Variants in SNTG1 observed in about 807,000 individuals in gnomAD.
SNTG1 encodes gamma-1-syntrophin.
SNTG1 carries 39 observed loss-of-function variants against 74.7 expected under a neutral mutation model. The observed-to-expected ratio is 0.52, with a 90% CI of 0.40 to 0.68. SNTG1 has a LOEUF of 0.68. SNTG1 is among the 30% of genes least tolerant of loss of function. The pLI, the probability that SNTG1 is intolerant of heterozygous loss-of-function variation, is 0.00. For synonymous variants in SNTG1, 254 were observed against 217.1 expected (o/e 1.17, Z -1.49); for missense variants, 685 against 609.5 (o/e 1.12, Z -1.30).
At chr8:50,462,941 C>T (rs552741972) in intron 8 of SNTG1, among the ~76,000 whole-genome samples, 39 of 150,578 alleles carry the variant, frequency 2.6e-4, no homozygotes, top group African/African-American at 9.3e-4. Flanking sequence ...CTCAGCCTCC[C>T]AAGTAGCTCG....
At chr8:50,451,510 CAG>C (rs925161138) in intron 8 of SNTG1, among the ~76,000 whole-genome samples, 26 of 151,868 alleles carry the variant, frequency 1.7e-4, no homozygotes, top group Admixed American at 3.3e-4. Context: ...AAGAGAGAGA[CAG>C]AGAGAGAGAA....
intron 2 of SNTG1, among the ~76,000 whole-genome samples, chr8:50,247,333 T>C (rs780945899): frequency 7.2e-5 from 11 of 152,174 alleles, no homozygotes; most frequent in Non-Finnish European, 1.6e-4. Context: ...AGTTTCACCA[T>C]AAATTTGGTG....
intron 2 of SNTG1, among the ~76,000 whole-genome samples, chr8:50,176,598 G>T (rs932341983): frequency 3.9e-5 from 6 of 152,242 alleles, no homozygotes; most frequent in African/African-American, 1.4e-4. Context: ...AAAAAAGAGT[G>T]ACTTGCATTT....
At position 50,289,817 on chromosome 8, in the gene SNTG1, C is replaced by G. The variant is rs547117389; in HGVS notation, c.-27-104395C>G. 2.6e-5 allele frequency among the ~76,000 whole-genome samples: 4 copies of G among 152,178 alleles called. No individual in the cohort carries two copies. In the South Asian group the frequency reaches 8.3e-4, roughly 32 times the overall value. The stretch of plus-strand genomic sequence containing the variant: ...CTGGTGGTTACAGTCAGGATTGGTA[C>G]CAGGAAAAACTGCAGAGTTGCTTAA... On this transcript the variant is annotated intron_variant, in intron 2 of 18. Coordinates refer to ENST00000642720, the MANE Select transcript of SNTG1 (RefSeq NM_018967.5).
At chr8:50,187,584 G>A (rs2083430285) in intron 2 of SNTG1, among the ~76,000 whole-genome samples, 1 of 152,048 alleles carries the variant, frequency 6.6e-6, no homozygotes, top group South Asian at 2.1e-4. Flanking sequence ...AAAAAAATAA[G>A]CAATATCAAA....
intron 1 of SNTG1, among the ~76,000 whole-genome samples, chr8:50,093,280 A>G (rs1219493295): frequency 6.6e-6 from 1 of 152,174 alleles, no homozygotes; most frequent in Admixed American, 6.6e-5. Context: ...TCTTTCAATT[A>G]CAATCTTACT....
intron 8 of SNTG1, among the ~76,000 whole-genome samples, chr8:50,455,304 C>T (rs113352295): frequency 1.5e-3 from 233 of 152,260 alleles, no homozygotes; most frequent in Non-Finnish European, 2.8e-3. Flanking sequence ...AGTAGCATTT[C>T]TGCTTTCAGA....
chr8:50,411,171 G>T (rs1004744002), intron 4 of SNTG1, among the ~76,000 whole-genome samples: 2 of 151,996 alleles, frequency 1.3e-5, no homozygotes, highest in African/African-American at 4.8e-5. Flanking sequence ...AAGGAAGGCC[G>T]GGTGCGGTGG....
Position 50,418,429 on chromosome 8 carries a change from C to A in SNTG1, c.162+16085C>A, listed in dbSNP as rs143980850. ...CTCAGTCTTCACTGCTGAGTCTTTT[C>A]TTCATTTCCATCTATAGGCACTTTA... On this transcript the variant is annotated intron_variant, in intron 4 of 18. Coordinates refer to ENST00000642720, the MANE Select transcript of SNTG1 (RefSeq NM_018967.5). Among the ~76,000 whole-genome samples the A allele has an allele frequency of 3.8e-4, 58 of 152,124 alleles. 1 individual carries two copies. The East Asian group carries it at 0.011, about 28-fold the overall frequency.
In SNTG1 at chr8:49,938,652, C is replaced by G. The variant is rs1164555281; in HGVS notation, c.-103+26421C>G. ...CTTTCTTTCTTTCTTTCCTTCCTCT[C>G]TCTCTCTCTTCCTTCCTTCCTTCCT... On this transcript the variant is annotated intron_variant, in intron 1 of 18. Transcript: ENST00000642720. 9.4e-5 allele frequency among the ~76,000 whole-genome samples: 3 copies of G among 32,038 alleles called. No individual in the cohort carries two copies. The Admixed American group carries it at 1.1e-3, about 12-fold the overall frequency. 21.0% of individuals were successfully genotyped at this position (32,038 alleles called of 152,430 possible).
chr8:50,777,347 A>G (rs1338749022), intron 18 of SNTG1, among the ~76,000 whole-genome samples: 1 of 149,754 alleles, frequency 6.7e-6, no homozygotes, highest in Non-Finnish European at 1.5e-5. Flanking sequence ...TAATTCTCAC[A>G]ATTCTTTTAT....
Position 50,678,051 on chromosome 8 carries a change from C to T in SNTG1, c.1038+19388C>T, listed in dbSNP as rs557153162. ...AGCAAACCACCATGTCACATGTATA[C>T]CTATGTAACAAACCTGCACTTTCTG... On this transcript the variant is annotated intron_variant, in intron 15 of 18. Transcript: ENST00000642720. Among the ~76,000 whole-genome samples, 16 of 151,640 alleles carry T rather than the reference C, an allele frequency of 1.1e-4. No individual in the cohort carries two copies. In the South Asian group the frequency reaches 1.3e-3, roughly 12 times the overall value.
chr8:50,707,819 A>T (rs1162285486), intron 16 of SNTG1: 1 of 362,960 alleles, frequency 2.8e-6, no homozygotes, highest in Non-Finnish European at 4.9e-6. Context: ...TATAGATGTA[A>T]CAATACATCA....
rs547523969 is a variant in SNTG1, at chr8:50,786,383, T to A, written c.1396-6288T>A. Among the ~76,000 whole-genome samples the A allele has an allele frequency of 1.2e-4, 19 of 152,124 alleles. No homozygotes were observed. The South Asian group carries it at 3.7e-3, about 30-fold the overall frequency. On this transcript the variant is annotated intron_variant, in intron 18 of 18. Transcript: ENST00000642720. ...TCAAGAAGATTTAAATAAGGGGAGCTACATCCCATGTGCATAAATTAGAAA... is the reference window on the plus strand; with the variant it reads ...TCAAGAAGATTTAAATAAGGGGAGCAACATCCCATGTGCATAAATTAGAAA...
At chr8:50,233,035 T>G (rs1325284535) in intron 2 of SNTG1, among the ~76,000 whole-genome samples, 1 of 151,556 alleles carries the variant, frequency 6.6e-6, no homozygotes, top group African/African-American at 2.4e-5. Flanking sequence ...AATTTCAACT[T>G]GATATGTTGT....
chr8:50,153,357 C>G (rs563655123), intron 1 of SNTG1, among the ~76,000 whole-genome samples: 1 of 152,132 alleles, frequency 6.6e-6, no homozygotes, highest in African/African-American at 2.4e-5. Context: ...CAAACTTCCT[C>G]CGTTAGCTCA....
At chr8:50,759,359 T>C (rs911959039) in intron 18 of SNTG1, among the ~76,000 whole-genome samples, 4 of 152,000 alleles carry the variant, frequency 2.6e-5, no homozygotes, top group Admixed American at 2.0e-4. Context: ...ATTGCTTTTT[T>C]TGTCTTAGTC....
intron 5 of SNTG1, among the ~76,000 whole-genome samples, chr8:50,443,823 A>C (rs2093380480): frequency 6.6e-6 from 1 of 152,152 alleles, no homozygotes; most frequent in South Asian, 2.1e-4. Context: ...TATGCTGTTT[A>C]CTTTCTGGTT....
intron 17 of SNTG1, among the ~76,000 whole-genome samples, chr8:50,749,094 C>A (rs1394120267): frequency 3.3e-5 from 5 of 151,868 alleles, no homozygotes; most frequent in African/African-American, 9.7e-5. Flanking sequence ...GTTGTGAATG[C>A]AAAGGAAGAG....
Sources: allele counts gnomAD v4.1 joint callset (sites outside exome capture counted in the v4.1 genomes callset), GRCh38; gene constraint gnomAD v4.1.1; transcripts MANE v1.5; gene names NCBI Gene and HGNC (gene_info 2026-07-23, HGNC 2026-07-21).